IMMP2L: variants seen among roughly 807,000 people sequenced by gnomAD.
IMMP2L encodes the protein mitochondrial inner membrane protease subunit 2.
Under a neutral mutation model 19.3 loss-of-function variants are expected in IMMP2L, and 18 were observed. The ratio of observed to expected loss-of-function variants is 0.93; its 90% confidence interval spans 0.64 to 1.38. The LOEUF (loss-of-function observed/expected upper bound fraction) is 1.38, where lower values mean the gene tolerates loss of function less well. Among genes scored for constraint, IMMP2L ranks in the 40% most tolerant of loss-of-function variants. IMMP2L has a pLI of 0.00. For synonymous variants in IMMP2L, 76 were observed against 73.0 expected (o/e 1.04, Z -0.21); for missense variants, 233 against 218.2 (o/e 1.07, Z -0.43).
rs1339461804 is a variant in IMMP2L at position 110,778,887 on chromosome 7, AT to A, written c.408+107705del. Among the ~76,000 whole-genome samples, 4 of 151,994 alleles carry A rather than the reference AT, an allele frequency of 2.6e-5. No homozygotes were observed. In the South Asian group the frequency reaches 8.3e-4, roughly 31 times the overall value. ...AGTGTCTGCCTATTTTGTGGTGCAA[AT>A]TCTCTCACCATGGCCAAAATCAAGT... On this transcript the variant is annotated intron_variant, in intron 5 of 5. Coordinates refer to ENST00000405709, the MANE Select transcript of IMMP2L (RefSeq NM_032549.4).
intron 3 of IMMP2L, among the ~76,000 whole-genome samples, chr7:111,392,186 T>C (rs1832423063): frequency 6.6e-6 from 1 of 152,098 alleles, no homozygotes; most frequent in Non-Finnish European, 1.5e-5. Flanking sequence ...TTCCAATCTT[T>C]TAAGCACCCT....
At chr7:110,833,938 G>T (rs993610355) in intron 5 of IMMP2L, among the ~76,000 whole-genome samples, 1 of 152,140 alleles carries the variant, frequency 6.6e-6, no homozygotes, top group Non-Finnish European at 1.5e-5. Flanking sequence ...CCTCTGAGAT[G>T]AATATGAAAG....
intron 5 of IMMP2L, among the ~76,000 whole-genome samples, chr7:110,737,962 G>C (rs1796746006): frequency 6.6e-6 from 1 of 152,154 alleles, no homozygotes; most frequent in Non-Finnish European, 1.5e-5. Flanking sequence ...AGCAGAAATA[G>C]TCACTACAGT....
rs545567174 is a variant in IMMP2L, at chr7:110,905,907, C to T, written c.306-19212G>A. ...TTACCAATCTTTTGAAATAAGAAGT[C>T]ATTCTCTTTGTGTATGAATCCATAA... is the stretch of plus-strand genomic sequence containing the variant. On this transcript the variant is annotated intron_variant, in intron 4 of 5. Coordinates refer to ENST00000405709, the MANE Select transcript of IMMP2L (RefSeq NM_032549.4). 3.9e-5 allele frequency among the ~76,000 whole-genome samples: 6 copies of T among 152,236 alleles called. No homozygotes were observed. In the South Asian group the frequency reaches 1.2e-3, roughly 32 times the overall value.
At chr7:111,321,213 C>G (rs564443475) in intron 3 of IMMP2L, among the ~76,000 whole-genome samples, 2 of 151,830 alleles carry the variant, frequency 1.3e-5, no homozygotes, top group Non-Finnish European at 2.9e-5. Flanking sequence ...TTTGCTCCTA[C>G]GATAATACCA....
intron 3 of IMMP2L, among the ~76,000 whole-genome samples, chr7:111,446,764 A>G (rs1838497675): frequency 6.6e-6 from 1 of 152,234 alleles, no homozygotes. Context: ...ACTCTGAGCT[A>G]CGGGAGGACA....
Position 111,324,382 on chromosome 7 carries a change from G to A in IMMP2L, c.239+162856C>T, listed in dbSNP as rs368699445. ...ACATAGGTAAAATAAAATTTCATTT[G>A]GCAAAACTGACCATAATAGAGAGAG... is the stretch of plus-strand genomic sequence containing the variant. On this transcript the variant is annotated intron_variant, in intron 3 of 5. Transcript: ENST00000405709. Among the ~76,000 whole-genome samples, 47 of 151,942 alleles carry A rather than the reference G, an allele frequency of 3.1e-4. No homozygotes were observed. In the East Asian group the frequency reaches 4.8e-3, roughly 16 times the overall value.
At chr7:111,385,549 C>A (rs1831652138) in intron 3 of IMMP2L, among the ~76,000 whole-genome samples, 1 of 152,068 alleles carries the variant, frequency 6.6e-6, no homozygotes, top group Non-Finnish European at 1.5e-5. Flanking sequence ...CAGTATCACT[C>A]CAAATGGTAA....
intron 3 of IMMP2L, among the ~76,000 whole-genome samples, chr7:111,446,758 T>C (rs1051896799): frequency 8.5e-5 from 13 of 152,184 alleles, no homozygotes; most frequent in African/African-American, 2.4e-4. Context: ...CAAATTACTC[T>C]GAGCTACGGG....
intron 3 of IMMP2L, among the ~76,000 whole-genome samples, chr7:111,400,976 T>C: frequency 6.6e-6 from 1 of 152,152 alleles, no homozygotes; most frequent in East Asian, 1.9e-4. Context: ...GAGGAAAGGT[T>C]TATTTTGTTG....
intron 3 of IMMP2L, among the ~76,000 whole-genome samples, chr7:111,160,503 A>T: frequency 6.6e-6 from 1 of 151,856 alleles, no homozygotes; most frequent in Admixed American, 6.6e-5. Context: ...TAAGTGAGTA[A>T]ATTAATTAAC....
At chr7:110,918,458 T>C (rs1026072878) in intron 4 of IMMP2L, among the ~76,000 whole-genome samples, 7 of 150,504 alleles carry the variant, frequency 4.7e-5, no homozygotes, top group Admixed American at 3.3e-4. Flanking sequence ...TTTTCTTTTT[T>C]TTTTTTTTTT....
intron 5 of IMMP2L, among the ~76,000 whole-genome samples, chr7:110,791,921 ATGTCTTCCTCACATGGTTTTCCCTCC>A (rs1252639531): frequency 6.6e-6 from 1 of 151,854 alleles, no homozygotes; most frequent in Non-Finnish European, 1.5e-5. Context: ...AAGCAGGGGC[ATGTCTTCCTCACATGGTTTTCCCTCC>A]TGGAGAGCAG....
intron 3 of IMMP2L, among the ~76,000 whole-genome samples, chr7:111,081,588 G>A (rs1795893191): frequency 6.6e-6 from 1 of 152,158 alleles, no homozygotes; most frequent in Admixed American, 6.5e-5. Flanking sequence ...TTGCAGGCAA[G>A]ACACTAACTG....
chr7:111,051,890 C>T (rs563694620), intron 3 of IMMP2L, among the ~76,000 whole-genome samples: 2 of 152,162 alleles, frequency 1.3e-5, no homozygotes, highest in South Asian at 4.1e-4. Flanking sequence ...CTCAATGGAC[C>T]TCTCCTTTTG....
At chr7:110,979,523 G>A (rs567793654) in intron 3 of IMMP2L, among the ~76,000 whole-genome samples, 3 of 152,038 alleles carry the variant, frequency 2.0e-5, no homozygotes, top group East Asian at 1.9e-4. Flanking sequence ...CAAATCAGAA[G>A]TGACAGCTTA....
In IMMP2L at chr7:110,662,827, A is replaced by G. The variant is rs1326344585; in HGVS notation, c.*775T>C. Among the ~76,000 whole-genome samples, 2 of 152,214 alleles carry G rather than the reference A, an allele frequency of 1.3e-5. No homozygotes were observed. The highest frequency in any genetic ancestry group is 2.1e-4 in the South Asian group (1 of 4,832). On this transcript the variant is annotated 3_prime_UTR_variant, in exon 6 of 6. Coordinates refer to ENST00000405709, the MANE Select transcript of IMMP2L (RefSeq NM_032549.4). ...TATTTCACTCAGAACTTTTAAACACATAGTATGACTAAATGCGGATAAAGG... is the reference window on the plus strand; with the variant it reads ...TATTTCACTCAGAACTTTTAAACACGTAGTATGACTAAATGCGGATAAAGG...
At chr7:110,949,712 G>C (rs1267303193) in intron 4 of IMMP2L, among the ~76,000 whole-genome samples, 11 of 152,102 alleles carry the variant, frequency 7.2e-5, no homozygotes, top group African/African-American at 2.7e-4. Flanking sequence ...TAAAGAGAAA[G>C]TATGCTGATC....
In IMMP2L at chr7:110,760,726, C is replaced by T. The variant is rs1255317125; in HGVS notation, c.409-97005G>A. ...ATATTTATTTCAAAATCTCTCATAG[C>T]ACTTCAATACCTGGAATATCTCAAA... On this transcript the variant is annotated intron_variant, in intron 5 of 5. Transcript: ENST00000405709. This position sits in a 1 kb window ranked among gnomAD's most constrained non-coding sequence, Gnocchi z 4.2. Among the ~76,000 whole-genome samples the T allele has an allele frequency of 6.6e-6, 1 of 152,094 alleles. No individual in the cohort carries two copies. Among genetic ancestry groups the T allele is most frequent in the Non-Finnish European group, 1.5e-5 (1 of 68,004 alleles).
Sources: gnomAD v4.1 joint callset for allele counts (sites outside exome capture counted in the v4.1 genomes callset) on GRCh38, gnomAD v4.1.1 for gene constraint, Gnocchi (gnomAD v3.1) non-coding constraint, MANE v1.5 for transcripts, NCBI Gene and HGNC (gene_info 2026-07-23, HGNC 2026-07-21) for gene names.